STK3: variants seen among roughly 807,000 people sequenced by gnomAD.
STK3 encodes the protein serine/threonine kinase 3.
A neutral mutation model predicts 58.0 loss-of-function variants in STK3; 41 were observed. The observed-to-expected ratio is 0.71, with a 90% CI of 0.55 to 0.92. The LOEUF (loss-of-function observed/expected upper bound fraction) is 0.92. STK3 is among the 40% of genes least tolerant of loss of function. The pLI is 0.00. For missense variants in STK3, 479 were observed against 602.7 expected (o/e 0.79, Z 2.15); for synonymous variants, 170 against 191.0 (o/e 0.89, Z 0.91).
chr8:98,408,213 T>G (rs1247050783), intron 3 of STK3, among the ~76,000 whole-genome samples: 1 of 152,146 alleles, frequency 6.6e-6, no homozygotes, highest in Non-Finnish European at 1.5e-5. Context: ...AGATGATGAT[T>G]CCCCTTCTCC....
chr8:98,456,633 T>G (rs1819509585), intron 10 of STK3, among the ~76,000 whole-genome samples: 1 of 152,230 alleles, frequency 6.6e-6, no homozygotes, highest in Admixed American at 6.5e-5. Flanking sequence ...CTTCTTCTTC[T>G]TCTTATTTTT....
chr8:98,588,504 C>T (rs868714250), intron 7 of STK3, among the ~76,000 whole-genome samples: 23 of 151,526 alleles, frequency 1.5e-4, no homozygotes, highest in African/African-American at 5.6e-4. Context: ...GAGGGTAACC[C>T]GACCTTTCTC....
At chr8:98,366,695 C>T (rs1817568200), downstream of STK3, among the ~76,000 whole-genome samples, 1 of 152,186 alleles carries the variant, frequency 6.6e-6, no homozygotes, top group South Asian at 2.1e-4. Flanking sequence ...TTTTACTGAT[C>T]TATCTGTCTA....
intron 10 of STK3, among the ~76,000 whole-genome samples, chr8:98,498,980 G>C (rs1412621387): frequency 6.6e-6 from 1 of 152,166 alleles, no homozygotes; most frequent in East Asian, 1.9e-4. Context: ...AGTCTCTTAT[G>C]ATCCTAAGAA....
intron 6 of STK3, among the ~76,000 whole-genome samples, chr8:98,644,297 G>GA (rs766670187): frequency 6.6e-6 from 1 of 152,038 alleles, no homozygotes; most frequent in Non-Finnish European, 1.5e-5. Flanking sequence ...GAATGAAACC[G>GA]AACTTGTATA....
intron 6 of STK3, among the ~76,000 whole-genome samples, chr8:98,695,845 G>A (rs1003225561): frequency 5.3e-5 from 8 of 152,090 alleles, no homozygotes; most frequent in African/African-American, 1.7e-4. Context: ...TCGGCAATGC[G>A]GGCTCTTTTT....
At chr8:98,826,660 C>T (rs898101757), upstream of STK3, among the ~76,000 whole-genome samples, 6 of 152,230 alleles carry the variant, frequency 3.9e-5, no homozygotes, top group Non-Finnish European at 8.8e-5. Flanking sequence ...TACTTTTAAC[C>T]TTAAATTCCA....
At chr8:98,905,043 T>TC in intron 1 of STK3, 1 of 934,610 alleles carries the variant, frequency 1.1e-6, no homozygotes, top group South Asian at 1.3e-5. Context: ...ATACCTGGAT[T>TC]CCCCATAGCC....
intron 1 of STK3, among the ~76,000 whole-genome samples, chr8:98,920,514 A>G (rs1839517606): frequency 6.6e-6 from 1 of 152,248 alleles, no homozygotes; most frequent in Non-Finnish European, 1.5e-5. Flanking sequence ...TGCCAAAAGC[A>G]CATTACTCAT....
chr8:98,878,871 T>G (rs868666555), downstream of STK3: 1 of 152,200 alleles, frequency 6.6e-6, no homozygotes, highest in Admixed American at 6.6e-5. Context: ...AAAAGTCTAT[T>G]GATAGAGAAT....
chr8:98,922,449 A>G (rs1839601117), intron 1 of STK3, among the ~76,000 whole-genome samples: 2 of 152,304 alleles, frequency 1.3e-5, no homozygotes, highest in South Asian at 4.1e-4. Context: ...TTTATTTTCT[A>G]TTACCTGCAT....
intron 4 of STK3, among the ~76,000 whole-genome samples, chr8:98,711,230 C>T (rs1202983532): frequency 6.7e-6 from 1 of 150,122 alleles, no homozygotes; most frequent in African/African-American, 2.5e-5. Context: ...AAGAGTGCCT[C>T]TCCTCCTCCA....
intron 3 of STK3, among the ~76,000 whole-genome samples, chr8:98,394,389 G>A (rs1289231887): frequency 1.3e-5 from 2 of 152,024 alleles, no homozygotes; most frequent in African/African-American, 4.8e-5. Flanking sequence ...ATTAGAAATA[G>A]GAAGTTTTCA....
intron 3 of STK3, among the ~76,000 whole-genome samples, chr8:98,854,325 G>C (rs559714988): frequency 6.6e-6 from 1 of 152,146 alleles, no homozygotes; most frequent in East Asian, 1.9e-4. Context: ...TTTTAATAGA[G>C]ATGGGGTTTC....
chr8:98,522,632 G>C (rs1825451088), intron 10 of STK3, among the ~76,000 whole-genome samples: 1 of 152,046 alleles, frequency 6.6e-6, no homozygotes, highest in African/African-American at 2.4e-5. Context: ...TCTCATACAA[G>C]CATCACTACC....
At chr8:98,741,896 GA>G (rs1829243954) in intron 4 of STK3, among the ~76,000 whole-genome samples, 2 of 152,056 alleles carry the variant, frequency 1.3e-5, no homozygotes, top group South Asian at 4.1e-4. Context: ...TGATAAAGGG[GA>G]TATCACGACC....
chr8:98,364,397 C>A, the STK3 span, among the ~76,000 whole-genome samples: 1 of 152,282 alleles, frequency 6.6e-6, no homozygotes, highest in Non-Finnish European at 1.5e-5. Flanking sequence ...TCTTGAAGTC[C>A]CCTGTCCCTC....
chr8:98,413,297 A>T (rs143760009), intron 3 of STK3: 22 of 453,032 alleles, frequency 4.9e-5, no homozygotes, highest in African/African-American at 2.0e-4. Context: ...TTACAGGCGC[A>T]AGCCACCATG....
chr8:98,832,921 G>T (rs1441127923), intron 3 of STK3, among the ~76,000 whole-genome samples: 6 of 152,170 alleles, frequency 3.9e-5, no homozygotes, highest in African/African-American at 9.7e-5. Flanking sequence ...GGTAGGAAAA[G>T]TCTATTCCAG....
Sources: allele counts gnomAD v4.1 joint callset (sites outside exome capture counted in the v4.1 genomes callset), GRCh38; gene constraint gnomAD v4.1.1; transcripts MANE v1.5; gene names NCBI Gene and HGNC (gene_info 2026-07-23, HGNC 2026-07-21).